LRP1B: variants seen among roughly 807,000 people sequenced by gnomAD.
LRP1B encodes low-density lipoprotein receptor-related protein 1B.
In LRP1B, 217 loss-of-function variants were observed where a neutral mutation model predicts 556.6. That is an observed-to-expected ratio of 0.39 (90% CI 0.35 to 0.44). The LOEUF is 0.44. Ranked by LOEUF, LRP1B falls within the 20% of genes least tolerant of loss-of-function variation. LRP1B has a pLI of 1.00. For synonymous variants in LRP1B, 2,047 were observed against 1,865.8 expected, an observed-to-expected ratio of 1.10 and a Z score of -2.50; for missense variants, 5,053 against 5,620.8, an observed-to-expected ratio of 0.90 and a Z score of 3.23.
At chr2:141,045,242 G>A (rs1698833055) in intron 11 of LRP1B, among the ~76,000 whole-genome samples, 1 of 112,434 alleles carries the variant, frequency 8.9e-6, no homozygotes. Context: ...GACACAGGAA[G>A]GGGAATATCA....
chr2:140,612,504 A>AG (rs1683105198), intron 41 of LRP1B, among the ~76,000 whole-genome samples: 4 of 152,098 alleles, frequency 2.6e-5, no homozygotes, highest in Non-Finnish European at 5.9e-5. Context: ...CTCAGTGTGT[A>AG]TCAACTGCTA....
intron 1 of LRP1B, among the ~76,000 whole-genome samples, chr2:141,844,321 T>C (rs536129118): frequency 3.9e-5 from 6 of 152,254 alleles, no homozygotes; most frequent in African/African-American, 1.2e-4. Flanking sequence ...CAGAACTCTT[T>C]ATCATTTTTG....
intron 1 of LRP1B, among the ~76,000 whole-genome samples, chr2:141,956,088 C>G (rs1447681033): frequency 1.3e-5 from 2 of 151,898 alleles, no homozygotes; most frequent in Non-Finnish European, 2.9e-5. Flanking sequence ...GATTGAGTAT[C>G]TGTTTCTAGC....
chr2:141,592,454 A>G (rs1687375073), intron 2 of LRP1B, among the ~76,000 whole-genome samples: 1 of 152,148 alleles, frequency 6.6e-6, no homozygotes, highest in South Asian at 2.1e-4. Context: ...AATCCCATTC[A>G]TGAAGGCACC....
At chr2:141,194,965 A>G (rs576988374) in intron 6 of LRP1B, among the ~76,000 whole-genome samples, 68 of 152,228 alleles carry the variant, frequency 4.5e-4, no homozygotes, top group Middle Eastern at 3.4e-3. Context: ...CAAAACAATA[A>G]ATTAATAAGA....
intron 47 of LRP1B, among the ~76,000 whole-genome samples, chr2:140,528,534 C>A (rs1275925482): frequency 1.3e-5 from 2 of 151,166 alleles, no homozygotes; most frequent in Non-Finnish European, 3.0e-5. Context: ...GCTAATGAAT[C>A]TTTGGGAGGG....
At chr2:141,028,097 C>T (rs969417327) in intron 11 of LRP1B, among the ~76,000 whole-genome samples, 1 of 151,982 alleles carries the variant, frequency 6.6e-6, no homozygotes. Context: ...ACTAAAGTTA[C>T]TTCAAAATTT....
chr2:140,318,322 T>TAAGA (rs1230438451), intron 82 of LRP1B, among the ~76,000 whole-genome samples: 2 of 152,166 alleles, frequency 1.3e-5, no homozygotes, highest in South Asian at 4.1e-4. Context: ...TGATTAAATG[T>TAAGA]AAGATTTTCT....
chr2:140,863,896 A>G (rs1252936900), intron 27 of LRP1B, among the ~76,000 whole-genome samples: 3 of 152,016 alleles, frequency 2.0e-5, no homozygotes, highest in Non-Finnish European at 4.4e-5. Flanking sequence ...AGTTTGTCCA[A>G]GGAGAATGTC....
chr2:140,250,850 T>C (rs1681380341), intron 86 of LRP1B, among the ~76,000 whole-genome samples: 1 of 151,796 alleles, frequency 6.6e-6, no homozygotes, highest in Non-Finnish European at 1.5e-5. Context: ...ACAGGCTTTG[T>C]TCTTATAACA....
chr2:140,534,439 T>C (rs140333843), intron 46 of LRP1B, among the ~76,000 whole-genome samples: 68 of 152,234 alleles, frequency 4.5e-4, no homozygotes, highest in African/African-American at 1.6e-3. Context: ...AATAAACATA[T>C]ATCACATATT....
At chr2:140,627,476 G>T (rs1683706043) in intron 41 of LRP1B, among the ~76,000 whole-genome samples, 1 of 152,076 alleles carries the variant, frequency 6.6e-6, no homozygotes, top group African/African-American at 2.4e-5. Context: ...TGGACTCTTG[G>T]ACCTACACCA....
At chr2:141,672,213 A>G (rs116878000) in intron 2 of LRP1B, among the ~76,000 whole-genome samples, 1 of 152,194 alleles carries the variant, frequency 6.6e-6, no homozygotes, top group East Asian at 1.9e-4. Flanking sequence ...ACAACTAGAT[A>G]ATAATGGCTA....
intron 41 of LRP1B, among the ~76,000 whole-genome samples, chr2:140,627,450 C>T (rs1224797649): frequency 4.6e-5 from 7 of 151,974 alleles, no homozygotes; most frequent in Admixed American, 2.6e-4. Context: ...TCTCCAAGTT[C>T]TTGTTCTTCA....
intron 2 of LRP1B, among the ~76,000 whole-genome samples, chr2:141,591,412 C>T (rs12467277): frequency 0.27 from 39,119 of 144,564 alleles, 6,430 homozygotes; most frequent in East Asian, 0.51. Context: ...GCTGACCAGG[C>T]CATAGGAAAA....
At chr2:140,807,301 C>T (rs1442372619) in intron 32 of LRP1B, among the ~76,000 whole-genome samples, 2 of 152,042 alleles carry the variant, frequency 1.3e-5, no homozygotes, top group African/African-American at 2.4e-5. Flanking sequence ...TTTACCATAT[C>T]ATTATCTCAT....
intron 6 of LRP1B, among the ~76,000 whole-genome samples, chr2:141,215,278 G>T (rs1001606338): frequency 6.6e-6 from 1 of 152,136 alleles, no homozygotes; most frequent in Non-Finnish European, 1.5e-5. Context: ...GCAGATGCTC[G>T]CATTATGCTT....
intron 2 of LRP1B, among the ~76,000 whole-genome samples, chr2:141,662,816 G>A (rs370237608): frequency 9.9e-5 from 15 of 151,974 alleles, no homozygotes; most frequent in South Asian, 2.1e-4. Flanking sequence ...CTCACCTCTC[G>A]ATCAAGTGGA....
chr2:141,416,446 A>ATT (rs34512949), intron 3 of LRP1B, among the ~76,000 whole-genome samples: 3,634 of 103,306 alleles, frequency 0.035, 211 homozygotes, highest in African/African-American at 0.092. Context: ...TTTGACAGCC[A>ATT]TTTTTTTTTT....
Sources: gnomAD v4.1 joint callset for allele counts (sites outside exome capture counted in the v4.1 genomes callset) on GRCh38, gnomAD v4.1.1 for gene constraint, MANE v1.5 for transcripts, NCBI Gene and HGNC (gene_info 2026-07-23, HGNC 2026-07-21) for gene names.